SGCZ: variants seen among roughly 807,000 people sequenced by gnomAD.
The protein encoded by SGCZ is zeta-sarcoglycan.
In SGCZ, 40 loss-of-function variants were observed where a neutral mutation model predicts 41.3. That is an observed-to-expected ratio of 0.97 (90% CI 0.75 to 1.26). SGCZ has a LOEUF of 1.26. Among genes scored for constraint, SGCZ ranks in the 50% most tolerant of loss-of-function variants. The probability of loss-of-function intolerance (pLI) is 0.00; values close to 1 mark genes in which losing one functional copy is unlikely to be tolerated. For missense variants in SGCZ, 552 were observed against 369.8 expected, an observed-to-expected ratio of 1.49 and a Z score of -4.04; for synonymous variants, 206 against 137.5, an observed-to-expected ratio of 1.50 and a Z score of -3.49.
intron 1 of SGCZ, among the ~76,000 whole-genome samples, chr8:14,732,634 T>C (rs1411504978): frequency 1.3e-5 from 2 of 152,310 alleles, no homozygotes; most frequent in East Asian, 3.9e-4. Flanking sequence ...ACTGAGCTGC[T>C]GTTTTCGTGA....
chr8:14,123,044 A>G (rs1585155288), intron 5 of SGCZ, among the ~76,000 whole-genome samples: 1 of 152,236 alleles, frequency 6.6e-6, no homozygotes, highest in Non-Finnish European at 1.5e-5. Flanking sequence ...AAGTCATGAT[A>G]GTTCTGTCAC....
intron 1 of SGCZ, among the ~76,000 whole-genome samples, chr8:14,959,967 A>C (rs1446098525): frequency 6.6e-6 from 1 of 152,170 alleles, no homozygotes; most frequent in African/African-American, 2.4e-5. Context: ...AAACTCTGCC[A>C]AAAGTCTTCT....
chr8:14,258,116 T>C (rs1422731353), intron 3 of SGCZ, among the ~76,000 whole-genome samples: 1 of 152,184 alleles, frequency 6.6e-6, no homozygotes, highest in Non-Finnish European at 1.5e-5. Flanking sequence ...TGTCATTAAT[T>C]ATGAGATCAC....
intron 1 of SGCZ, among the ~76,000 whole-genome samples, chr8:14,920,036 T>A (rs528373179): frequency 6.6e-6 from 1 of 152,208 alleles, no homozygotes; most frequent in Non-Finnish European, 1.5e-5. Flanking sequence ...ATATTTCTAC[T>A]TCTAAAAATA....
chr8:14,746,598 T>C (rs371579995), intron 1 of SGCZ, among the ~76,000 whole-genome samples: 2 of 152,118 alleles, frequency 1.3e-5, no homozygotes, highest in East Asian at 1.9e-4. Context: ...TTAAAACATT[T>C]CTAGCACAAA....
chr8:15,065,411 T>A lies in SGCZ; in HGVS notation c.39+172174A>T, dbSNP rs890165406. Among the ~76,000 whole-genome samples the A allele has an allele frequency of 2.2e-5, 3 of 136,362 alleles. No individual in the cohort carries two copies. In the Admixed American group the frequency reaches 2.3e-4, roughly 10 times the overall value. The allele number at this position is 136,362 out of a possible 152,430, so 89.5% of individuals were successfully genotyped here. The stretch of plus-strand genomic sequence containing the variant: ...CTATGGCATCACTTATCACATGGTA[T>A]TGTAATTATTATTATTATTATTATT... On this transcript the variant is annotated intron_variant, in intron 1 of 7. Transcript: ENST00000382080.
chr8:14,637,083 C>A (rs1247240726), intron 1 of SGCZ, among the ~76,000 whole-genome samples: 5 of 151,368 alleles, frequency 3.3e-5, no homozygotes, highest in Middle Eastern at 3.2e-3. Context: ...GTGTTTCACT[C>A]TCTCCACCTA....
chr8:14,628,326 A>C (rs1806531437), intron 1 of SGCZ, among the ~76,000 whole-genome samples: 1 of 145,358 alleles, frequency 6.9e-6, no homozygotes, highest in Non-Finnish European at 1.5e-5. Flanking sequence ...CCTATAAGGA[A>C]AGAAAATATT....
At chr8:14,603,442 A>G (rs912839744) in intron 1 of SGCZ, among the ~76,000 whole-genome samples, 1 of 152,108 alleles carries the variant, frequency 6.6e-6, no homozygotes, top group African/African-American at 2.4e-5. Context: ...CTTTCATCTA[A>G]AAAACAACTT....
intron 6 of SGCZ, among the ~76,000 whole-genome samples, chr8:14,103,864 T>A (rs1802117302): frequency 6.6e-6 from 1 of 152,216 alleles, no homozygotes; most frequent in Non-Finnish European, 1.5e-5. Flanking sequence ...TAATAAAATT[T>A]ACTATTAGCA....
intron 1 of SGCZ, among the ~76,000 whole-genome samples, chr8:14,959,416 G>T (rs1315292050): frequency 6.6e-6 from 1 of 152,044 alleles, no homozygotes; most frequent in Admixed American, 6.6e-5. Context: ...CATGGATATC[G>T]TACATAGAGT....
At chr8:14,106,453 G>A (rs1802206027) in intron 6 of SGCZ, among the ~76,000 whole-genome samples, 1 of 147,658 alleles carries the variant, frequency 6.8e-6, no homozygotes, top group Non-Finnish European at 1.5e-5. Context: ...CTTGAAGAAG[G>A]CCACTTTTTT....
intron 1 of SGCZ, among the ~76,000 whole-genome samples, chr8:14,600,393 T>A (rs576242410): frequency 6.6e-6 from 1 of 152,230 alleles, no homozygotes; most frequent in South Asian, 2.1e-4. Context: ...CTTGGATGAG[T>A]TGTGTACTCC....
chr8:14,821,464 T>C (rs1802081328), intron 1 of SGCZ, among the ~76,000 whole-genome samples: 1 of 152,006 alleles, frequency 6.6e-6, no homozygotes, highest in Admixed American at 6.6e-5. Flanking sequence ...CCAAACTCTT[T>C]ATGAGGCCAG....
intron 1 of SGCZ, among the ~76,000 whole-genome samples, chr8:15,037,959 G>T (rs540479016): frequency 1.2e-4 from 18 of 152,092 alleles, no homozygotes; most frequent in Middle Eastern, 3.4e-3. Flanking sequence ...AAAGAAATTA[G>T]AAACACAAAC....
At chr8:14,944,992 A>G (rs1267786707) in intron 1 of SGCZ, among the ~76,000 whole-genome samples, 2 of 152,142 alleles carry the variant, frequency 1.3e-5, no homozygotes, top group East Asian at 3.9e-4. Flanking sequence ...TAAGTGGAAG[A>G]CATAAGCATC....
chr8:14,395,567 G>A (rs1045747545), intron 2 of SGCZ, among the ~76,000 whole-genome samples: 1 of 152,136 alleles, frequency 6.6e-6, no homozygotes, highest in Non-Finnish European at 1.5e-5. Flanking sequence ...AAGAAAGAAA[G>A]ATAGAAGGTG....
intron 3 of SGCZ, among the ~76,000 whole-genome samples, chr8:14,274,569 G>C (rs1281457691): frequency 6.6e-6 from 1 of 152,098 alleles, no homozygotes; most frequent in Non-Finnish European, 1.5e-5. Flanking sequence ...TCTTCACTTA[G>C]TTTCCTAACC....
intron 2 of SGCZ, among the ~76,000 whole-genome samples, chr8:14,504,428 T>C (rs1802245016): frequency 1.3e-5 from 2 of 152,272 alleles, no homozygotes; most frequent in African/African-American, 2.4e-5. Flanking sequence ...AGGAAGTTTA[T>C]AGTTACAGTG....
Sources: allele counts gnomAD v4.1 joint callset (sites outside exome capture counted in the v4.1 genomes callset), GRCh38; gene constraint gnomAD v4.1.1; transcripts MANE v1.5; gene names NCBI Gene and HGNC (gene_info 2026-07-23, HGNC 2026-07-21).